DGKB: variants seen among roughly 807,000 people sequenced by gnomAD.
DGKB encodes the protein diacylglycerol kinase beta.
Under a neutral mutation model 114.3 loss-of-function variants are expected in DGKB, and 67 were observed. The ratio of observed to expected loss-of-function variants is 0.59; its 90% CI spans 0.48 to 0.72. DGKB has a LOEUF of 0.72. Ranked by LOEUF, DGKB falls within the 30% of genes least tolerant of loss-of-function variation. The pLI is 0.00. For synonymous variants in DGKB, 398 were observed against 323.1 expected, an observed-to-expected ratio of 1.23 and a Z score of -2.49; for missense variants, 907 against 975.2, an observed-to-expected ratio of 0.93 and a Z score of 0.93.
intron 5 of DGKB, among the ~76,000 whole-genome samples, chr7:14,728,479 G>T (rs940025345): frequency 1.3e-5 from 2 of 152,078 alleles, no homozygotes; most frequent in Non-Finnish European, 1.5e-5. Flanking sequence ...CTCCTAACAA[G>T]TCTATCTTCC....
chr7:14,507,056 G>A (rs145194033), intron 20 of DGKB, among the ~76,000 whole-genome samples: 66 of 152,238 alleles, frequency 4.3e-4, no homozygotes, highest in African/African-American at 1.5e-3. Flanking sequence ...TGATGTCTGG[G>A]TTATTTAAAA....
chr7:14,507,779 A>G (rs1787325048), intron 20 of DGKB, among the ~76,000 whole-genome samples: 1 of 152,148 alleles, frequency 6.6e-6, no homozygotes, highest in Non-Finnish European at 1.5e-5. Flanking sequence ...AGTAGGCACA[A>G]TGCCAAACAT....
intron 21 of DGKB, among the ~76,000 whole-genome samples, chr7:14,389,392 G>A (rs1005601941): frequency 3.3e-5 from 5 of 152,160 alleles, no homozygotes; most frequent in African/African-American, 4.8e-5. Flanking sequence ...ATTCAAGCTT[G>A]GTGAACTTGA....
upstream of DGKB, among the ~76,000 whole-genome samples, chr7:14,907,320 T>C (rs182482189): frequency 7.2e-5 from 11 of 152,356 alleles, no homozygotes; most frequent in Non-Finnish European, 5.9e-5. Context: ...CCACTGGACT[T>C]CCTGGCTTTG....
chr7:14,471,119 T>A (rs1337804936), intron 21 of DGKB, among the ~76,000 whole-genome samples: 3 of 150,054 alleles, frequency 2.0e-5, no homozygotes, highest in Non-Finnish European at 4.5e-5. Flanking sequence ...AGAAAAAAAA[T>A]ACACAGGTTT....
At position 14,445,619 on chromosome 7, in the gene DGKB, T is replaced by A. The variant is rs180835855; in HGVS notation, c.1835+32542A>T. 1.6e-3 allele frequency among the ~76,000 whole-genome samples: 238 copies of A among 152,100 alleles called. 1 individual carries two copies. Among genetic ancestry groups the A allele is most frequent in the Middle Eastern group, 0.01 (3 of 294 alleles). On this transcript the variant is annotated intron_variant, in intron 21 of 25. Transcript: ENST00000402815. ...TGAAGTTCTGTGTACATGGTCACAA[T>A]TTGCATTTAATCAACAGTGATTATA...
intron 23 of DGKB, among the ~76,000 whole-genome samples, chr7:14,250,715 A>G (rs1795109527): frequency 6.6e-6 from 1 of 152,124 alleles, no homozygotes; most frequent in Non-Finnish European, 1.5e-5. Flanking sequence ...TGTCTGTGTG[A>G]AGATAATGGG....
chr7:14,861,706 T>G (rs1469308146), intron 1 of DGKB, among the ~76,000 whole-genome samples: 1 of 152,018 alleles, frequency 6.6e-6, no homozygotes, highest in Non-Finnish European at 1.5e-5. Flanking sequence ...TTTACCGTGA[T>G]GAAATCATAC....
At chr7:14,337,701 C>CTACA (rs1810932206) in intron 23 of DGKB, among the ~76,000 whole-genome samples, 1 of 152,080 alleles carries the variant, frequency 6.6e-6, no homozygotes, top group Non-Finnish European at 1.5e-5. Context: ...TTTGTCCTTG[C>CTACA]TACACTGAGC....
chr7:14,887,459 T>A (rs1780483591), intron 1 of DGKB, among the ~76,000 whole-genome samples: 1 of 151,812 alleles, frequency 6.6e-6, no homozygotes, highest in Non-Finnish European at 1.5e-5. Context: ...TTGGACCTTC[T>A]TCTCTGTGTA....
At chr7:14,196,864 T>G (rs940925361) in intron 23 of DGKB, among the ~76,000 whole-genome samples, 2 of 152,128 alleles carry the variant, frequency 1.3e-5, no homozygotes, top group African/African-American at 4.8e-5. Context: ...AAAATCTCTG[T>G]GAAAAAGTTT....
intron 23 of DGKB, among the ~76,000 whole-genome samples, chr7:14,187,552 C>T (rs563638658): frequency 9.8e-5 from 15 of 152,322 alleles, no homozygotes; most frequent in African/African-American, 3.6e-4. Context: ...TACACTGCTG[C>T]CATCACAAAC....
intron 20 of DGKB, among the ~76,000 whole-genome samples, chr7:14,570,488 C>T (rs915533852): frequency 1.3e-5 from 2 of 152,110 alleles, no homozygotes; most frequent in African/African-American, 4.8e-5. Context: ...AGAAACTTAA[C>T]AACTAATACT....
At chr7:14,371,804 T>C (rs1015608050) in intron 21 of DGKB, among the ~76,000 whole-genome samples, 3 of 152,174 alleles carry the variant, frequency 2.0e-5, no homozygotes, top group East Asian at 1.9e-4. Context: ...AAATTTTACA[T>C]TGACATTACT....
Position 14,697,366 on chromosome 7 carries a change from C to G in DGKB, c.591+729G>C, listed in dbSNP as rs549294955. ...AGTTGAAAGCAATATATAACATATA[C>G]ACAAGGTAACATGATGCACTGTGCA... On this transcript the variant is annotated intron_variant, in intron 8 of 25. Coordinates refer to ENST00000402815, the MANE Select transcript of DGKB (RefSeq NM_001350709.2). Among the ~76,000 whole-genome samples the G allele has an allele frequency of 3.9e-5, 6 of 152,150 alleles. No individual in the cohort carries two copies. The South Asian group carries it at 1.2e-3, about 32-fold the overall frequency.
At chr7:14,537,071 T>A (rs573190034) in intron 20 of DGKB, among the ~76,000 whole-genome samples, 1 of 151,880 alleles carries the variant, frequency 6.6e-6, no homozygotes, top group South Asian at 2.1e-4. Context: ...ATTTACAATA[T>A]CACCAAAAAG....
At chr7:14,170,145 A>AAAAAAAG (rs1369239302) in intron 25 of DGKB, among the ~76,000 whole-genome samples, 2 of 99,982 alleles carry the variant, frequency 2.0e-5, no homozygotes, top group African/African-American at 3.7e-5. Context: ...AAAAAAAAAA[A>AAAAAAAG]AAAGAAAGAA....
chr7:14,934,133 G>T (rs1159969754), intron 1 of DGKB, among the ~76,000 whole-genome samples: 2 of 152,062 alleles, frequency 1.3e-5, no homozygotes, highest in African/African-American at 4.8e-5. Context: ...TCAGCTCTGG[G>T]TTCAATAAAC....
intron 2 of DGKB, among the ~76,000 whole-genome samples, chr7:14,763,937 G>T (rs908941991): frequency 1.3e-5 from 2 of 151,912 alleles, no homozygotes; most frequent in African/African-American, 4.8e-5. Context: ...TAATATGATA[G>T]TTTTTACAAA....
Sources: gnomAD v4.1 joint callset for allele counts (sites outside exome capture counted in the v4.1 genomes callset) on GRCh38, gnomAD v4.1.1 for gene constraint, MANE v1.5 for transcripts, NCBI Gene and HGNC (gene_info 2026-07-23, HGNC 2026-07-21) for gene names.